CHD1L: variants seen among roughly 807,000 people sequenced by gnomAD.
CHD1L encodes the protein ATP-dependent chromatin remodeler CHD1L.
CHD1L carries 118 observed loss-of-function variants against 115.9 expected under a neutral mutation model. The observed-to-expected ratio is 1.02, with a 90% CI of 0.88 to 1.19. The LOEUF is 1.19. Among genes scored for constraint, CHD1L ranks in the 50% most tolerant of loss-of-function variants. CHD1L has a pLI of 0.00. For missense variants in CHD1L, 1,179 were observed against 1,065.3 expected, an observed-to-expected ratio of 1.11 and a Z score of -1.49; for synonymous variants, 411 against 387.1, an observed-to-expected ratio of 1.06 and a Z score of -0.72.
At chr1:147,224,605 G>A in the CHD1L span, among the ~76,000 whole-genome samples, 1 of 152,130 alleles carries the variant, frequency 6.6e-6, no homozygotes, top group African/African-American at 2.4e-5. Flanking sequence ...TGCCTCCCAA[G>A]TTCACCCCAT....
Position 147,264,596 on chromosome 1 carries a change from T to C in CHD1L, c.739+12T>C. The C allele has an allele frequency of 6.2e-7, 1 of 1,611,258 alleles. No homozygotes were observed. The highest frequency in any genetic ancestry group is 1.7e-5 in the Admixed American group (1 of 59,476). ...AGAATCTGAGTCAGGCAAGTTCCTTTCCTGCAAATCATCCCCAAGAAGCCT... is the reference window on the plus strand; with the variant it reads ...AGAATCTGAGTCAGGCAAGTTCCTTCCCTGCAAATCATCCCCAAGAAGCCT... On this transcript the variant is annotated intron_variant, in intron 7 of 22. Transcript: ENST00000369258.
At chr1:147,242,854 C>T in intron 1 of CHD1L, 24 bp downstream of exon 1, 2 of 1,267,780 alleles carry the variant, frequency 1.6e-6, no homozygotes, top group Non-Finnish European at 1.0e-6. Flanking sequence ...GGGCGGACTT[C>T]GGCCAGGCGG....
chr1:147,246,358 T>C (rs1553933857), intron 1 of CHD1L, among the ~76,000 whole-genome samples: 1 of 152,240 alleles, frequency 6.6e-6, no homozygotes. Context: ...AAGAAAGATA[T>C]TGTAAACATT....
At chr1:147,193,378 A>G in the CHD1L span, among the ~76,000 whole-genome samples, 2 of 151,734 alleles carry the variant, frequency 1.3e-5, no homozygotes, top group South Asian at 4.2e-4. Flanking sequence ...TTTTTACTGC[A>G]TCTATTTGAT....
chr1:147,216,823 A>G, the CHD1L span, among the ~76,000 whole-genome samples: 1 of 152,348 alleles, frequency 6.6e-6, no homozygotes, highest in South Asian at 2.1e-4. Context: ...CCTGCATCTT[A>G]GCAAAATCTT....
At chr1:147,243,467 A>T (rs1553932446) in intron 1 of CHD1L, among the ~76,000 whole-genome samples, 1 of 151,402 alleles carries the variant, frequency 6.6e-6, no homozygotes, top group African/African-American at 2.4e-5. Context: ...ACCGCACGTA[A>T]CTCGATTTAT....
chr1:147,249,174 C>G (rs984489420), intron 1 of CHD1L, among the ~76,000 whole-genome samples: 1 of 152,034 alleles, frequency 6.6e-6, no homozygotes, highest in African/African-American at 2.4e-5. Context: ...TTCCTGAATA[C>G]CATTTTTCTT....
intron 2 of CHD1L, 81 bp from the exon 3 acceptor site, chr1:147,254,789 C>A: frequency 1.2e-6 from 1 of 853,056 alleles, no homozygotes; most frequent in Non-Finnish European, 1.8e-6. Context: ...AGTGTGTGTT[C>A]CCTACAGGGT....
intron 20 of CHD1L, among the ~76,000 whole-genome samples, chr1:147,291,993 T>TG: frequency 6.6e-6 from 1 of 151,922 alleles, no homozygotes; most frequent in Admixed American, 6.6e-5. Context: ...TATATGAATT[T>TG]GGGGGGACAC....
At chr1:147,292,155 CTACATA>C (rs1358453831) in intron 20 of CHD1L, among the ~76,000 whole-genome samples, 1 of 152,114 alleles carries the variant, frequency 6.6e-6, no homozygotes, top group Non-Finnish European at 1.5e-5. Flanking sequence ...CCTCAGTACC[CTACATA>C]GTACTAGCTC....
chr1:147,258,090 G>A (rs782547120), intron 5 of CHD1L, among the ~76,000 whole-genome samples: 5 of 152,188 alleles, frequency 3.3e-5, no homozygotes, highest in Non-Finnish European at 7.3e-5. Flanking sequence ...GCAGGGAAGT[G>A]TAATATCATC....
the CHD1L span, among the ~76,000 whole-genome samples, chr1:147,220,323 TG>T: frequency 6.6e-6 from 1 of 152,208 alleles, no homozygotes; most frequent in African/African-American, 2.4e-5. Flanking sequence ...AGAGATATTC[TG>T]ATTCATAGAC....
chr1:147,266,246 G>T (rs781875774), intron 8 of CHD1L, among the ~76,000 whole-genome samples, 159 bp downstream of exon 8: 3 of 152,188 alleles, frequency 2.0e-5, no homozygotes, highest in Non-Finnish European at 4.4e-5. Context: ...CTGTGGCAGA[G>T]CATCTTAAAG....
chr1:147,209,985 G>A, the CHD1L span: 8 of 152,320 alleles, frequency 5.3e-5, no homozygotes, highest in Admixed American at 5.2e-4. Flanking sequence ...AGGAGATAAA[G>A]CCTACACATC....
At chr1:147,288,326 A>AAAAAAAAAAG (rs1684110240) in intron 19 of CHD1L, among the ~76,000 whole-genome samples, 1 of 1,796 alleles carries the variant, frequency 5.6e-4, no homozygotes, top group Non-Finnish European at 2.7e-3. Flanking sequence ...CTGTTTCAAT[A>AAAAAAAAAAG]AAAAAAAAAA....
At chr1:147,231,429 A>G in the CHD1L span, among the ~76,000 whole-genome samples, 11 of 152,254 alleles carry the variant, frequency 7.2e-5, no homozygotes, top group African/African-American at 2.6e-4. Context: ...GCTTCCAACT[A>G]TGTGATCAAT....
chr1:147,206,860 C>A, the CHD1L span, among the ~76,000 whole-genome samples: 1 of 151,230 alleles, frequency 6.6e-6, no homozygotes, highest in Non-Finnish European at 1.5e-5. Flanking sequence ...GTGCAGCACA[C>A]CAACATGGCA....
At chr1:147,282,754 A>T (rs1320853044) in intron 15 of CHD1L, among the ~76,000 whole-genome samples, 1 of 152,216 alleles carries the variant, frequency 6.6e-6, no homozygotes, top group East Asian at 1.9e-4. Context: ...CGTTTACTAG[A>T]ACAAAATAAA....
chr1:147,291,303 G>A lies in CHD1L; in HGVS notation c.2321-179G>A, dbSNP rs6699820. Among the ~76,000 whole-genome samples the A allele has an allele frequency of 0.24, 36,604 of 151,886 alleles. 4,747 individuals carry two copies. Among genetic ancestry groups the A allele is most frequent in the Non-Finnish European group, 0.29 (19,796 of 67,884 alleles). The stretch of plus-strand genomic sequence containing the variant: ...TAAATTAGGAGATCATAAAAATTCA[G>A]GAGTGAAGCAGGTGAGTACCCAGCT... On this transcript the variant is annotated intron_variant, in intron 19 of 22. Coordinates refer to ENST00000369258, the MANE Select transcript of CHD1L (RefSeq NM_004284.6).
Sources: allele counts gnomAD v4.1 joint callset (sites outside exome capture counted in the v4.1 genomes callset), GRCh38; gene constraint gnomAD v4.1.1; transcripts MANE v1.5; gene names NCBI Gene and HGNC (gene_info 2026-07-23, HGNC 2026-07-21).